Variants in RAC1 observed in about 807,000 individuals in gnomAD.
The protein encoded by RAC1 is Rac family small GTPase 1.
In RAC1, 2 loss-of-function variants were observed where a neutral mutation model predicts 25.2. That is an observed-to-expected ratio of 0.08 (90% CI 0.03 to 0.25). The LOEUF (loss-of-function observed/expected upper bound fraction) is 0.25, where lower values mean the gene tolerates loss of function less well. Among genes scored for constraint, RAC1 ranks in the 10% least tolerant of loss-of-function variants. The pLI, the probability that RAC1 is intolerant of heterozygous loss-of-function variation, is 1.00. For missense variants in RAC1, 50 were observed against 235.7 expected (o/e 0.21, Z 5.16); for synonymous variants, 88 against 94.0 (o/e 0.94, Z 0.37).
intron 3 of RAC1, among the ~76,000 whole-genome samples, chr7:6,395,010 A>G (rs1182889072): frequency 6.6e-6 from 1 of 152,084 alleles, no homozygotes; most frequent in Non-Finnish European, 1.5e-5. Flanking sequence ...GCCCGCCACC[A>G]CACCTGACTA....
intron 1 of RAC1, among the ~76,000 whole-genome samples, chr7:6,383,595 G>A (rs1018111637): frequency 1.3e-5 from 2 of 152,052 alleles, no homozygotes; most frequent in African/African-American, 4.8e-5. Context: ...AGGAAAGGAA[G>A]TTTAGAGGAT....
chr7:6,398,573 A>G lies in RAC1; in HGVS notation c.226-1553A>G, dbSNP rs1783311410. The stretch of plus-strand genomic sequence containing the variant: ...GATCTCTCCGGAGGGTTAAGACAAA[A>G]TTCTAATAAAGAATCGATAAGAGGT... On this transcript the variant is annotated intron_variant, in intron 3 of 5. Transcript: ENST00000348035. The G allele has an allele frequency of 3.0e-5, 36 of 1,198,954 alleles. No individual in the cohort carries two copies. The East Asian group carries it at 3.2e-4, about 11-fold the overall frequency. The allele number at this position is 1,198,954 out of a possible 1,614,324, so 74.3% of individuals were successfully genotyped here.
At chr7:6,398,284 CGGAT>C (rs1035405826) in intron 3 of RAC1, among the ~76,000 whole-genome samples, 6 of 152,146 alleles carry the variant, frequency 3.9e-5, no homozygotes, top group Non-Finnish European at 8.8e-5. Flanking sequence ...TCTGAGAACT[CGGAT>C]GGAGCACTTG....
chr7:6,386,563 C>G (rs1782928415), intron 1 of RAC1, among the ~76,000 whole-genome samples: 1 of 152,012 alleles, frequency 6.6e-6, no homozygotes, highest in African/African-American at 2.4e-5. Context: ...GGGCGGATCA[C>G]TTGAGGTCAG....
chr7:6,381,475 C>G (rs1292106432), intron 1 of RAC1, among the ~76,000 whole-genome samples: 1 of 151,090 alleles, frequency 6.6e-6, no homozygotes, highest in Non-Finnish European at 1.5e-5. Flanking sequence ...TCACTGCAAC[C>G]TCTGCCTCCC....
chr7:6,379,104 A>C (rs1782689788), intron 1 of RAC1, among the ~76,000 whole-genome samples: 1 of 152,088 alleles, frequency 6.6e-6, no homozygotes, highest in Non-Finnish European at 1.5e-5. Flanking sequence ...AAGGAAAAAA[A>C]AGACAGCATC....
intron 2 of RAC1, among the ~76,000 whole-genome samples, 170 bp from the exon 3 acceptor site, chr7:6,391,754 C>G (rs1012096456): frequency 1.3e-5 from 2 of 152,052 alleles, no homozygotes; most frequent in South Asian, 4.2e-4. Flanking sequence ...GTTTGTTTCC[C>G]GCAAGTTTTG....
chr7:6,392,069 G>A (rs2115201512), intron 3 of RAC1, 28 bp downstream of exon 3: 4 of 1,613,500 alleles, frequency 2.5e-6, no homozygotes, highest in Non-Finnish European at 3.4e-6. Context: ...CTTTTAATGT[G>A]TCTTTTAGAG....
chr7:6,398,729 C>A, intron 3 of RAC1: 1 of 1,612,426 alleles, frequency 6.2e-7, no homozygotes, highest in Non-Finnish European at 8.5e-7. Context: ...GTATGTAAAA[C>A]TTTCAGTCCA....
intron 3 of RAC1, among the ~76,000 whole-genome samples, chr7:6,392,345 T>A (rs1562466900): frequency 6.6e-6 from 1 of 152,210 alleles, no homozygotes; most frequent in Non-Finnish European, 1.5e-5. Context: ...CCAATTAGTT[T>A]GAAGGCAGGT....
At chr7:6,382,081 C>T (rs1782781850) in intron 1 of RAC1, among the ~76,000 whole-genome samples, 1 of 152,088 alleles carries the variant, frequency 6.6e-6, no homozygotes, top group South Asian at 2.1e-4. Flanking sequence ...GCAACCTCTA[C>T]CCCGTGGCCT....
intron 2 of RAC1, among the ~76,000 whole-genome samples, chr7:6,388,016 G>A (rs1029888875): frequency 6.6e-6 from 1 of 152,132 alleles, no homozygotes; most frequent in Non-Finnish European, 1.5e-5. Context: ...TTACATGTCC[G>A]CATTGAGGTG....
rs561003753 is a variant in RAC1, at chr7:6,375,181, C to T, written c.35+411C>T. On this transcript the variant is annotated intron_variant, in intron 1 of 5. Transcript: ENST00000348035. Reference sequence around the variant, plus strand: ...CCCCTTTTGAGAATTGGGTTGGGAACGCGGCGGTCAAGTCGATCATATTTG... The same window carrying T: ...CCCCTTTTGAGAATTGGGTTGGGAATGCGGCGGTCAAGTCGATCATATTTG... Among the ~76,000 whole-genome samples, 4 of 152,134 alleles carry T rather than the reference C, an allele frequency of 2.6e-5. No homozygotes were observed. In the South Asian group the frequency reaches 6.2e-4, roughly 24 times the overall value.
intron 1 of RAC1, among the ~76,000 whole-genome samples, chr7:6,376,736 G>T (rs1782614636): frequency 7.4e-6 from 1 of 134,950 alleles, no homozygotes; most frequent in Non-Finnish European, 1.6e-5. Flanking sequence ...GGTGAGGCTG[G>T]TCTCAAACTC....
chr7:6,398,791 T>G, intron 3 of RAC1: 2 of 1,421,464 alleles, frequency 1.4e-6, no homozygotes, highest in South Asian at 2.4e-5. Context: ...TTTCCTAGGA[T>G]TTTTTATTAA....
intron 1 of RAC1, 103 bp downstream of exon 1, chr7:6,374,873 G>A: frequency 2.1e-6 from 2 of 954,624 alleles, no homozygotes; most frequent in Non-Finnish European, 2.5e-6. Flanking sequence ...CCGCGGTCTC[G>A]CGTAGGCGGT....
chr7:6,377,816 A>T (rs1287820215), intron 1 of RAC1, among the ~76,000 whole-genome samples: 1 of 152,026 alleles, frequency 6.6e-6, no homozygotes, highest in African/African-American at 2.4e-5. Flanking sequence ...GAGGCAGGAG[A>T]ATCGCTTGAA....
chr7:6,387,154 G>T, intron 1 of RAC1, 58 bp from the exon 2 acceptor site: 1 of 1,095,012 alleles, frequency 9.1e-7, no homozygotes. Flanking sequence ...TAACTTAATA[G>T]TGAAAGCTAA....
At position 6,403,040 on chromosome 7, in the gene RAC1, A is replaced by C. The variant is rs1057481186; in HGVS notation, c.*594A>C. ...TCTTTGGATCAGTCTTTGTGATTTC[A>C]TAGCGAGTTTTCTGACCAGCTTTTG... On this transcript the variant is annotated 3_prime_UTR_variant, in exon 6 of 6. Transcript: ENST00000348035. The C allele has an allele frequency of 3.8e-4, 75 of 197,526 alleles. No homozygotes were observed. The highest frequency in any genetic ancestry group is 1.7e-3 in the African/African-American group (72 of 43,364). 12.2% of individuals were successfully genotyped at this position (197,526 alleles called of 1,614,324 possible).
Sources: allele counts gnomAD v4.1 joint callset (sites outside exome capture counted in the v4.1 genomes callset), GRCh38; gene constraint gnomAD v4.1.1; transcripts MANE v1.5; gene names NCBI Gene and HGNC (gene_info 2026-07-23, HGNC 2026-07-21).